LAMA5: variants seen among roughly 807,000 people sequenced by gnomAD.
LAMA5 encodes laminin subunit alpha-5.
LAMA5 carries 260 observed loss-of-function variants against 433.4 expected under a neutral mutation model. That is an observed-to-expected ratio of 0.60 (90% CI 0.54 to 0.66). The LOEUF is 0.66. Among genes scored for constraint, LAMA5 ranks in the 30% least tolerant of loss-of-function variants. The probability of loss-of-function intolerance (pLI) is 0.00; values close to 1 mark genes in which losing one functional copy is unlikely to be tolerated. For synonymous variants in LAMA5, 2,620 were observed against 2,226.6 expected (o/e 1.18, Z -4.97); for missense variants, 5,378 against 5,258.5 (o/e 1.02, Z -0.70).
At chr20:62,337,396 C>T (rs373902538) in intron 16 of LAMA5, among the ~76,000 whole-genome samples, 194 bp downstream of exon 16, 53 of 152,232 alleles carry the variant, frequency 3.5e-4, no homozygotes, top group Admixed American at 9.8e-4. Flanking sequence ...ATGCACAGCA[C>T]GCAGACACGG....
chr20:62,320,260 G>C lies in LAMA5; in HGVS notation c.6759+299C>G, dbSNP rs564743753. Among the ~76,000 whole-genome samples, 18 of 135,676 alleles carry C rather than the reference G, an allele frequency of 1.3e-4. No individual in the cohort carries two copies. The South Asian group carries it at 4.0e-3, about 30-fold the overall frequency. The allele number at this position is 135,676 out of a possible 152,430, so 89.0% of individuals were successfully genotyped here. A position where few individuals can be genotyped will look rare whatever the true frequency, so the allele number is the denominator to read the frequency against. ...TTGAACCCGGGAGGCAGAGGTTATG[G>C]TAAGCCGAGATCGAGCCATTGCACT... is the stretch of plus-strand genomic sequence containing the variant. On this transcript the variant is annotated intron_variant, in intron 50 of 79. Transcript: ENST00000252999.
rs1980343816 is a variant in LAMA5, at chr20:62,331,199, TGGGGGGGTGCAGGCGGTACGATG to T, written c.3553-93_3553-71del. On this transcript the variant is annotated intron_variant, in intron 28 of 79. Coordinates refer to ENST00000252999, the MANE Select transcript of LAMA5 (RefSeq NM_005560.6). ...AGGATAGGGGGTGCAGGCGGTACGA[TGGGGGGGTGCAGGCGGTACGATG>T]GGGGGGTGCAGGCGGTACGATGGGG... 2.3e-4 allele frequency: 50 copies of T among 215,578 alleles called. No homozygotes were observed. The Middle Eastern group carries it at 5.2e-3, about 22-fold the overall frequency. 13.4% of individuals were successfully genotyped at this position (215,578 alleles called of 1,614,324 possible).
intron 62 of LAMA5, among the ~76,000 whole-genome samples, 200 bp from the exon 63 acceptor site, chr20:62,314,002 CGAG>C (rs1415804769): frequency 4.3e-5 from 3 of 68,992 alleles, no homozygotes; most frequent in East Asian, 8.3e-4. Flanking sequence ...GGCACAGAGA[CGAG>C]GGGTGGCGAG....
Position 62,346,596 on chromosome 20 carries a change from G to T in LAMA5, c.1192C>A (p.His398Asn). The change falls in exon 9 of 80, where the codon CAC becomes AAC. Residue 398 changes from histidine (H) to asparagine (N), a missense_variant and splice_region_variant. By Grantham distance (68) the His-to-Asn change is moderately conservative. Coordinates refer to ENST00000252999, the MANE Select transcript of LAMA5 (RefSeq NM_005560.6). The stretch of plus-strand genomic sequence containing the variant: ...TCACAGTTGACGCCGGTGGTGTGGT[G>T]CTGGGAGTGCAATGGCCGTTGAGTC... ...QGGGVCIDCQ[H>N]HTTGVNCERC... 1 of 1,605,130 alleles carries T rather than the reference G, an allele frequency of 6.2e-7. No individual in the cohort carries two copies.
Position 62,333,127 on chromosome 20 carries a change from G to A in LAMA5, c.3245C>T (p.Pro1082Leu), listed in dbSNP as rs1381384875. The A allele has an allele frequency of 1.7e-5, 26 of 1,486,766 alleles. No individual in the cohort carries two copies. In the African/African-American group the frequency reaches 1.8e-4, roughly 10 times the overall value. 92.1% of individuals were successfully genotyped at this position (1,486,766 alleles called of 1,614,324 possible). A position where few individuals can be genotyped will look rare whatever the true frequency, so the allele number is the denominator to read the frequency against. The part of the protein sequence containing the change: ...PRPCPTEQLS[P>L]SHPPLITCTG... ...GCAGGTGATCAGTGGCGGGTGCGAC[G>A]GGCTGAGCTGCTCCGTGGGGCAGGG... Residue 1082 changes from proline (P) to leucine (L), a missense_variant, in exon 26 of 80, where the codon CCG becomes CTG. Physicochemically the swap from Pro to Leu is moderately conservative, Grantham distance 98 (BLOSUM62 -3). Transcript: ENST00000252999.
In LAMA5 at chr20:62,316,872, G is replaced by A. The variant is rs752153229; in HGVS notation, c.7653+10C>T. On this transcript the variant is annotated intron_variant, in intron 56 of 79. Transcript: ENST00000252999. ...TCCTGCTGGGGCTGAGGGGAAGTGA[G>A]GGGCCTCACCGCCCACGTGTGGTCC... is the stretch of plus-strand genomic sequence containing the variant. 1 of 1,531,658 alleles carries A rather than the reference G, an allele frequency of 6.5e-7. No homozygotes were observed. The highest frequency in any genetic ancestry group is 8.8e-7 in the Non-Finnish European group (1 of 1,138,638). The allele number at this position is 1,531,658 out of a possible 1,614,324, so 94.9% of individuals were successfully genotyped here. A position where few individuals can be genotyped will look rare whatever the true frequency, so the allele number is the denominator to read the frequency against.
In LAMA5 at chr20:62,367,283, C is replaced by CAGCGCGCGCGGCGGG. The variant is rs1362885304; in HGVS notation, c.-53_-39dup. On this transcript the variant is annotated 5_prime_UTR_variant, in exon 1 of 80. Coordinates refer to ENST00000252999, the MANE Select transcript of LAMA5 (RefSeq NM_005560.6). ...GGGCCGCGTCCCCGAGCTCCAGGGA[C>CAGCGCGCGCGGCGGG]AGCGCGCGCGGCGGGAGCCCGGCGG... 2.2e-4 allele frequency: 249 copies of CAGCGCGCGCGGCGGG among 1,141,506 alleles called. 2 individuals are homozygous for CAGCGCGCGCGGCGGG. The highest frequency in any genetic ancestry group is 6.3e-4 in the Admixed American group (13 of 20,690). 70.7% of individuals were successfully genotyped at this position (1,141,506 alleles called of 1,614,324 possible).
chr20:62,346,057 T>C, intron 10 of LAMA5, 24 bp downstream of exon 10: 1 of 1,611,818 alleles, frequency 6.2e-7, no homozygotes, highest in Non-Finnish European at 8.5e-7. Context: ...GGTGTCTGTT[T>C]GGATGCCCCT....
At position 62,328,595 on chromosome 20, in the gene LAMA5, G is replaced by A. The variant is rs1979748868; in HGVS notation, c.4448-150C>T. 5.8e-6 allele frequency: 5 copies of A among 858,832 alleles called. No individual in the cohort carries two copies. In the East Asian group the frequency reaches 1.3e-4, roughly 23 times the overall value. The allele number at this position is 858,832 out of a possible 1,614,324, so 53.2% of individuals were successfully genotyped here. ...TGCCCCGGGTGCTGAGCCTTGGACA[G>A]CTCCTGACATGGAGGCAGCTGCTCA... On this transcript the variant is annotated intron_variant, in intron 34 of 79. Coordinates refer to ENST00000252999, the MANE Select transcript of LAMA5 (RefSeq NM_005560.6).
At chr20:62,333,275 G>T (rs767659005) in intron 25 of LAMA5, 32 bp from the exon 26 acceptor site, 22 of 1,576,390 alleles carry the variant, frequency 1.4e-5, no homozygotes, top group Non-Finnish European at 1.8e-5. Flanking sequence ...TCAGCCCCAG[G>T]TCCACCCAGG....
chr20:62,366,817 G>A (rs1271502655), intron 1 of LAMA5, 132 bp downstream of exon 1: 1 of 1,188,342 alleles, frequency 8.4e-7, no homozygotes, highest in Non-Finnish European at 1.1e-6. Flanking sequence ...GCCTTCTTGG[G>A]CCCCCAAAAT....
Position 62,314,868 on chromosome 20 carries a change from G to A in LAMA5, c.8127C>T (p.Ser2709=), listed in dbSNP as rs754007330. 2.5e-6 allele frequency: 4 copies of A among 1,612,338 alleles called. No individual in the cohort carries two copies. In the South Asian group the frequency reaches 4.4e-5, roughly 18 times the overall value. ...GGCCAATGCTGGCGGACAGGGCCAG[G>A]CTGGCGTTGTGCACCCCACGGTTCT... The part of the protein sequence containing the change: ...ILENRGVHNA[S]LALSASIGRV... Residue 2709 remains serine, a synonymous_variant, in exon 60 of 80, where the codon AGC becomes AGT. Transcript: ENST00000252999.
chr20:62,323,230 T>G (rs765838528), intron 45 of LAMA5, among the ~76,000 whole-genome samples: 1 of 135,856 alleles, frequency 7.4e-6, no homozygotes. Flanking sequence ...GGCCTGATGG[T>G]GAAGGGGCCT....
At chr20:62,349,549 G>A (rs1601401823) in intron 6 of LAMA5, among the ~76,000 whole-genome samples, 1 of 143,090 alleles carries the variant, frequency 7.0e-6, no homozygotes, top group Middle Eastern at 3.5e-3. Flanking sequence ...TCAAGAGGGA[G>A]GACAAAACAG....
intron 6 of LAMA5, among the ~76,000 whole-genome samples, chr20:62,349,509 C>T (rs551688517): frequency 6.6e-6 from 1 of 150,566 alleles, no homozygotes; most frequent in South Asian, 2.1e-4. Flanking sequence ...AGCTATCAAC[C>T]ACGAATCCTA....
chr20:62,320,096 A>G (rs1987510174), intron 50 of LAMA5, among the ~76,000 whole-genome samples: 2 of 152,126 alleles, frequency 1.3e-5, no homozygotes, highest in African/African-American at 4.8e-5. Context: ...AGATGGGCAG[A>G]TCACCTGAGG....
rs202112441 is a variant in LAMA5 at position 62,326,716 on chromosome 20, C to A, written c.5259G>T (p.Thr1753=). Residue 1753 remains threonine (T), a synonymous_variant, in exon 40 of 80, where the codon ACG becomes ACT. Transcript: ENST00000252999. ...GCTGCCCACGGTGAACGTGGCCAGG[C>A]GTGGGGTATGCCGGCTCCAGGAATG... ...SITFLEPAYP[T]PGHVHRGQLQ... is the part of the protein sequence containing the mutation. The A allele has an allele frequency of 3.7e-6, 6 of 1,612,860 alleles. No homozygotes were observed. Among genetic ancestry groups the A allele is most frequent in the African/African-American group, 1.3e-5 (1 of 75,032 alleles).
At chr20:62,345,568 A>G (rs4925385) in intron 11 of LAMA5, 398,674 of 629,128 alleles carry the variant, frequency 0.63, 133,270 homozygotes, top group East Asian at 0.78. Context: ...CACTACACCC[A>G]GCTAATTTTT....
At chr20:62,323,718 C>T (rs1023234175) in intron 44 of LAMA5, 48 bp from the exon 45 acceptor site, 2 of 1,594,228 alleles carry the variant, frequency 1.3e-6, no homozygotes, top group East Asian at 2.3e-5. Context: ...GGCGCCCACC[C>T]TCGCATATCC....
Sources: allele counts gnomAD v4.1 joint callset (sites outside exome capture counted in the v4.1 genomes callset), GRCh38; gene constraint gnomAD v4.1.1; transcripts MANE v1.5; gene names NCBI Gene and HGNC (gene_info 2026-07-23, HGNC 2026-07-21).